Variants in TASP1 observed in about 807,000 individuals in gnomAD.
TASP1 encodes the protein threonine aspartase 1.
A neutral mutation model predicts 56.6 loss-of-function variants in TASP1; 16 were observed. The ratio of observed to expected loss-of-function variants is 0.28; its 90% CI spans 0.19 to 0.43. The LOEUF (loss-of-function observed/expected upper bound fraction) is 0.43. Among genes scored for constraint, TASP1 ranks in the 20% least tolerant of loss-of-function variants. The probability of loss-of-function intolerance (pLI) is 1.00; values close to 1 mark genes in which losing one functional copy is unlikely to be tolerated. For missense variants in TASP1, 393 were observed against 511.6 expected, an observed-to-expected ratio of 0.77 and a Z score of 2.24; for synonymous variants, 179 against 184.2, an observed-to-expected ratio of 0.97 and a Z score of 0.23.
At chr20:13,515,704 T>C (rs1169762287) in intron 10 of TASP1, among the ~76,000 whole-genome samples, 4 of 152,038 alleles carry the variant, frequency 2.6e-5, no homozygotes, top group African/African-American at 7.2e-5. Flanking sequence ...GAATTAAATA[T>C]CTACATGTCA....
rs147579711 is a variant in TASP1 at position 13,604,661 on chromosome 20, G to A, written c.283-17291C>T. On this transcript the variant is annotated intron_variant, in intron 4 of 13. Transcript: ENST00000337743. ...AAGTCTGCCTTACCACCTTTCACAC[G>A]GGTCATAAATAATTTTTTCATTAAC... Among the ~76,000 whole-genome samples the A allele has an allele frequency of 2.2e-3, 328 of 152,110 alleles. 4 individuals carry two copies. Among genetic ancestry groups the A allele is most frequent in the South Asian group, 0.015 (73 of 4,810 alleles).
At position 13,542,530 on chromosome 20, in the gene TASP1, A is replaced by G. The variant is rs953475737; in HGVS notation, c.676-8389T>C. 2.0e-4 allele frequency among the ~76,000 whole-genome samples: 30 copies of G among 152,210 alleles called. 1 individual carries two copies. Among genetic ancestry groups the G allele is most frequent in the Admixed American group, 6.5e-5 (1 of 15,270 alleles). ...AAAAGCTTGATTTTATAGCACTGAC[A>G]GATCTCTGTACCCAATTTTAGAAAA... is the stretch of plus-strand genomic sequence containing the variant. On this transcript the variant is annotated intron_variant, in intron 8 of 13. Coordinates refer to ENST00000337743, the MANE Select transcript of TASP1 (RefSeq NM_017714.3).
the TASP1 span, among the ~76,000 whole-genome samples, chr20:13,379,300 T>C: frequency 6.6e-6 from 1 of 152,214 alleles, no homozygotes; most frequent in Non-Finnish European, 1.5e-5. Context: ...CATTTGCTTG[T>C]CTGTAAAGGA....
chr20:13,225,545 G>C, the TASP1 span, among the ~76,000 whole-genome samples: 2 of 152,072 alleles, frequency 1.3e-5, no homozygotes, highest in African/African-American at 2.4e-5. Context: ...TTGTATGACT[G>C]TCTCCCCTAG....
At chr20:13,505,750 G>A (rs2146677472) in intron 10 of TASP1, among the ~76,000 whole-genome samples, 1 of 152,126 alleles carries the variant, frequency 6.6e-6, no homozygotes, top group Admixed American at 6.6e-5. Context: ...ATGTATGTGT[G>A]CAGAAAAAGC....
chr20:13,570,878 T>C (rs537379587), intron 6 of TASP1, among the ~76,000 whole-genome samples: 57 of 152,140 alleles, frequency 3.7e-4, no homozygotes, highest in African/African-American at 1.3e-3. Context: ...CATTTCCTTC[T>C]TCTAGGAAAA....
chr20:13,478,059 A>C (rs1017449926), intron 11 of TASP1, among the ~76,000 whole-genome samples: 1 of 152,154 alleles, frequency 6.6e-6, no homozygotes, highest in Admixed American at 6.6e-5. Context: ...TTCAAATTGC[A>C]GTAAGAGAAA....
chr20:13,289,394 G>A, the TASP1 span, among the ~76,000 whole-genome samples: 1 of 152,212 alleles, frequency 6.6e-6, no homozygotes, highest in East Asian at 1.9e-4. Flanking sequence ...GCTCCCAGGA[G>A]CGCAACCTGG....
chr20:13,496,959 A>G (rs952032455), intron 10 of TASP1, among the ~76,000 whole-genome samples: 27 of 152,248 alleles, frequency 1.8e-4, no homozygotes, highest in Non-Finnish European at 3.1e-4. Flanking sequence ...GAAAAAGAAT[A>G]AATGCTGTAG....
At chr20:13,448,218 A>C (rs773356015) in intron 11 of TASP1, among the ~76,000 whole-genome samples, 40 of 152,076 alleles carry the variant, frequency 2.6e-4, no homozygotes, top group Non-Finnish European at 5.4e-4. Context: ...GCCCAACATA[A>C]ATTTCTTGAA....
chr20:13,401,317 T>C (rs2041730131), intron 13 of TASP1, among the ~76,000 whole-genome samples: 1 of 152,230 alleles, frequency 6.6e-6, no homozygotes, highest in Non-Finnish European at 1.5e-5. Flanking sequence ...TGGAGATTAC[T>C]GGGAAGAAAG....
At chr20:13,341,458 C>T in the TASP1 span, among the ~76,000 whole-genome samples, 1 of 152,154 alleles carries the variant, frequency 6.6e-6, no homozygotes. Context: ...GGGATTCAGC[C>T]CTCTTTTCCG....
chr20:13,469,792 C>CTTTTTTTTTT lies in TASP1; in HGVS notation c.985+13425_985+13434dup, dbSNP rs546419566. On this transcript the variant is annotated intron_variant, in intron 11 of 13. Coordinates refer to ENST00000337743, the MANE Select transcript of TASP1 (RefSeq NM_017714.3). ...ACAGTTGTCCAGGTCAATAAATGTC[C>CTTTTTTTTTT]TTTTTTTTTTTTTTTTTTTTTTTTT... Among the ~76,000 whole-genome samples, 137 of 39,542 alleles carry CTTTTTTTTTT rather than the reference C, an allele frequency of 3.5e-3. 29 individuals are homozygous for CTTTTTTTTTT. Among genetic ancestry groups the CTTTTTTTTTT allele is most frequent in the Middle Eastern group, 0.077 (2 of 26 alleles). The allele number at this position is 39,542 out of a possible 152,430, so 25.9% of individuals were successfully genotyped here.
At chr20:13,378,075 T>G in the TASP1 span, among the ~76,000 whole-genome samples, 2 of 152,232 alleles carry the variant, frequency 1.3e-5, no homozygotes, top group Non-Finnish European at 2.9e-5. Context: ...TCTATCTCCT[T>G]CAGTTCTACT....
At chr20:13,304,388 T>G in the TASP1 span, among the ~76,000 whole-genome samples, 54,232 of 152,050 alleles carry the variant, frequency 0.36, 10,287 homozygotes, top group East Asian at 0.48. Context: ...TCCCCCACTG[T>G]CTTCCACATT....
At chr20:13,484,107 ATACCATC>A (rs1239106160) in intron 10 of TASP1, among the ~76,000 whole-genome samples, 2 of 152,230 alleles carry the variant, frequency 1.3e-5, no homozygotes, top group African/African-American at 4.8e-5. Flanking sequence ...CCACAATGAG[ATACCATC>A]TCACACCAGA....
chr20:13,203,253 G>C, the TASP1 span, among the ~76,000 whole-genome samples: 1 of 152,252 alleles, frequency 6.6e-6, no homozygotes, highest in East Asian at 1.9e-4. Context: ...TTTATAAGGA[G>C]CTAGTATTAT....
chr20:13,324,060 C>T, the TASP1 span, among the ~76,000 whole-genome samples: 4 of 152,134 alleles, frequency 2.6e-5, no homozygotes, highest in African/African-American at 7.2e-5. Context: ...TATTATAAGT[C>T]GAGAAGTATT....
chr20:13,221,404 T>G, the TASP1 span, among the ~76,000 whole-genome samples: 3 of 145,460 alleles, frequency 2.1e-5, no homozygotes, highest in East Asian at 6.2e-4. Context: ...CGCAGCCCCC[T>G]GCCAGCAGGG....
Sources: gnomAD v4.1 joint callset for allele counts (sites outside exome capture counted in the v4.1 genomes callset) on GRCh38, gnomAD v4.1.1 for gene constraint, MANE v1.5 for transcripts, NCBI Gene and HGNC (gene_info 2026-07-23, HGNC 2026-07-21) for gene names.